DOCK3: variants seen among roughly 807,000 people sequenced by gnomAD.
The protein encoded by DOCK3 is dedicator of cytokinesis 3.
In DOCK3, 60 loss-of-function variants were observed where a neutral mutation model predicts 265.6. That is an observed-to-expected ratio of 0.23 (90% CI 0.18 to 0.28). The LOEUF (loss-of-function observed/expected upper bound fraction) is 0.28, where lower values mean the gene tolerates loss of function less well. Among genes scored for constraint, DOCK3 ranks in the 10% least tolerant of loss-of-function variants. DOCK3 has a pLI of 1.00. For synonymous variants in DOCK3, 881 were observed against 938.0 expected (o/e 0.94, Z 1.11); for missense variants, 1,981 against 2,594.3 (o/e 0.76, Z 5.14).
intron 32 of DOCK3, among the ~76,000 whole-genome samples, chr3:51,316,601 C>T (rs1250332193): frequency 6.6e-6 from 1 of 152,190 alleles, no homozygotes; most frequent in Non-Finnish European, 1.5e-5. Flanking sequence ...TAATCGATTG[C>T]TCCGCATACT....
At chr3:51,007,952 G>A (rs1182925341) in intron 5 of DOCK3, among the ~76,000 whole-genome samples, 3 of 152,144 alleles carry the variant, frequency 2.0e-5, no homozygotes, top group African/African-American at 2.4e-5. Flanking sequence ...TGTTATTTCT[G>A]AGGCCTCCAT....
chr3:51,106,709 C>T (rs2083294304), intron 9 of DOCK3, among the ~76,000 whole-genome samples: 1 of 152,216 alleles, frequency 6.6e-6, no homozygotes, highest in Non-Finnish European at 1.5e-5. Context: ...CACAGTCCTG[C>T]TCCCACCAGT....
chr3:50,858,964 C>G (rs1170484877), intron 3 of DOCK3, among the ~76,000 whole-genome samples: 1 of 152,052 alleles, frequency 6.6e-6, no homozygotes. Context: ...TGTGATTACA[C>G]TGTGAAATTC....
At chr3:50,773,847 C>A (rs528799429) in intron 1 of DOCK3, among the ~76,000 whole-genome samples, 18 of 151,916 alleles carry the variant, frequency 1.2e-4, no homozygotes, top group Non-Finnish European at 2.4e-4. Context: ...GAGTAAGACA[C>A]CGATGAGTAT....
At chr3:50,864,939 A>G (rs929020747) in intron 3 of DOCK3, among the ~76,000 whole-genome samples, 1 of 151,432 alleles carries the variant, frequency 6.6e-6, no homozygotes. Context: ...GTGGTTCCAC[A>G]TACATTTTAG....
chr3:50,983,349 G>C (rs145552606), intron 5 of DOCK3, among the ~76,000 whole-genome samples: 15 of 152,228 alleles, frequency 9.9e-5, no homozygotes, highest in Admixed American at 2.0e-4. Flanking sequence ...CTGAAGGCTG[G>C]GGGCTGGACT....
chr3:50,954,189 T>C (rs1339418839), intron 5 of DOCK3, among the ~76,000 whole-genome samples: 1 of 152,162 alleles, frequency 6.6e-6, no homozygotes. Flanking sequence ...GTACCTTATA[T>C]GAGTAGAACC....
At chr3:51,205,367 G>C (rs1209074590) in intron 12 of DOCK3, among the ~76,000 whole-genome samples, 1 of 151,978 alleles carries the variant, frequency 6.6e-6, no homozygotes, top group Non-Finnish European at 1.5e-5. Context: ...TGAAGACTTT[G>C]ATGGGGTTAG....
chr3:51,136,296 C>T (rs1301594683), intron 9 of DOCK3, among the ~76,000 whole-genome samples: 7 of 151,674 alleles, frequency 4.6e-5, no homozygotes, highest in African/African-American at 1.5e-4. Context: ...GGCACGATCT[C>T]GGCTCACTGC....
At position 50,887,157 on chromosome 3, in the gene DOCK3, G is replaced by A. The variant is rs60746111; in HGVS notation, c.163-2869G>A. Among the ~76,000 whole-genome samples, 1,161 of 151,818 alleles carry A rather than the reference G, an allele frequency of 7.6e-3. 18 individuals are homozygous for A. Among genetic ancestry groups the A allele is most frequent in the African/African-American group, 0.027 (1,113 of 41,404 alleles). On this transcript the variant is annotated intron_variant, in intron 3 of 52. Transcript: ENST00000266037. ...GAAAAGAGAGAAGAATCAAATAGAC[G>A]CAATAAAAAATGATAAAGGGGATAT...
chr3:51,364,096 C>A (rs532190039), intron 49 of DOCK3, among the ~76,000 whole-genome samples: 102 of 152,334 alleles, frequency 6.7e-4, no homozygotes, highest in African/African-American at 2.4e-3. Context: ...AGTTTACAGT[C>A]CCACCAACAG....
chr3:50,889,638 C>T (rs935327663), intron 3 of DOCK3, among the ~76,000 whole-genome samples: 3 of 151,918 alleles, frequency 2.0e-5, no homozygotes, highest in African/African-American at 7.3e-5. Context: ...GTTTTTCTAG[C>T]TCAGAGCTAG....
intron 4 of DOCK3, among the ~76,000 whole-genome samples, chr3:50,905,186 CAGGT>C (rs1416842175): frequency 6.6e-6 from 1 of 152,078 alleles, no homozygotes; most frequent in African/African-American, 2.4e-5. Context: ...AGTTTGAAGT[CAGGT>C]AGTGTGATGC....
intron 12 of DOCK3, among the ~76,000 whole-genome samples, chr3:51,205,424 G>A (rs1259664222): frequency 6.6e-6 from 1 of 151,966 alleles, no homozygotes; most frequent in Non-Finnish European, 1.5e-5. Flanking sequence ...CCCAGGTGTG[G>A]TGGCTCATGA....
intron 5 of DOCK3, among the ~76,000 whole-genome samples, chr3:51,004,515 G>C (rs775002419): frequency 6.6e-6 from 1 of 152,016 alleles, no homozygotes; most frequent in African/African-American, 2.4e-5. Context: ...TTAGGTTTAG[G>C]TTTCTCTTGT....
intron 9 of DOCK3, among the ~76,000 whole-genome samples, chr3:51,107,257 G>A (rs557386230): frequency 4.6e-4 from 70 of 152,274 alleles, no homozygotes; most frequent in African/African-American, 1.4e-3. Context: ...ACAAAGATGA[G>A]AAAGAACCAG....
At chr3:50,854,843 T>G (rs772202216) in intron 3 of DOCK3, among the ~76,000 whole-genome samples, 13 of 152,084 alleles carry the variant, frequency 8.5e-5, no homozygotes, top group Non-Finnish European at 1.5e-5. Flanking sequence ...ATCATTCTTC[T>G]GCATAGGGCT....
At chr3:51,352,050 A>G (rs2086028374) in intron 40 of DOCK3, among the ~76,000 whole-genome samples, 1 of 152,204 alleles carries the variant, frequency 6.6e-6, no homozygotes. Flanking sequence ...CATATTTGCT[A>G]GCCCCATCAG....
At chr3:51,147,463 G>A (rs2085355862) in intron 10 of DOCK3, among the ~76,000 whole-genome samples, 1 of 152,076 alleles carries the variant, frequency 6.6e-6, no homozygotes, top group African/African-American at 2.4e-5. Context: ...TTTACATTAA[G>A]TATTTCTCCT....
Sources: allele counts gnomAD v4.1 joint callset (sites outside exome capture counted in the v4.1 genomes callset), GRCh38; gene constraint gnomAD v4.1.1; transcripts MANE v1.5; gene names NCBI Gene and HGNC (gene_info 2026-07-23, HGNC 2026-07-21).